ITGBL1: variants seen among roughly 807,000 people sequenced by gnomAD.
The protein encoded by ITGBL1 is integrin beta-like protein 1.
Under a neutral mutation model 68.5 loss-of-function variants are expected in ITGBL1, and 51 were observed. That is an observed-to-expected ratio of 0.74 (90% CI 0.59 to 0.94). ITGBL1 has a LOEUF of 0.94. Among genes scored for constraint, ITGBL1 ranks in the 40% least tolerant of loss-of-function variants. The probability of loss-of-function intolerance (pLI) is 0.00; values close to 1 mark genes in which losing one functional copy is unlikely to be tolerated. For synonymous variants in ITGBL1, 209 were observed against 227.3 expected (o/e 0.92, Z 0.72); for missense variants, 649 against 647.4 (o/e 1.00, Z -0.03).
chr13:101,542,814 C>T (rs1207847082), intron 2 of ITGBL1, among the ~76,000 whole-genome samples: 1 of 152,112 alleles, frequency 6.6e-6, no homozygotes. Flanking sequence ...TGTGTAATGG[C>T]CTTCTTTGTC....
intron 2 of ITGBL1, among the ~76,000 whole-genome samples, chr13:101,541,551 G>C (rs2139187111): frequency 6.6e-6 from 1 of 152,256 alleles, no homozygotes; most frequent in East Asian, 1.9e-4. Flanking sequence ...TTTGGTATCA[G>C]GATGATGCTG....
chr13:101,621,911 T>C (rs554151196), intron 7 of ITGBL1, among the ~76,000 whole-genome samples: 57 of 152,092 alleles, frequency 3.7e-4, no homozygotes, highest in Non-Finnish European at 6.9e-4. Flanking sequence ...AGCATAGATT[T>C]GAGTGAAGAT....
At chr13:101,612,678 T>C (rs377348816) in intron 7 of ITGBL1, among the ~76,000 whole-genome samples, 29 of 152,138 alleles carry the variant, frequency 1.9e-4, no homozygotes, top group African/African-American at 7.0e-4. Context: ...TTGCAGTTTT[T>C]AGGTTAGGCT....
chr13:101,702,726 A>G (rs764500228), intron 8 of ITGBL1, among the ~76,000 whole-genome samples: 1 of 152,174 alleles, frequency 6.6e-6, no homozygotes, highest in African/African-American at 2.4e-5. Context: ...TCATAGCCCA[A>G]TTGAGCTGGT....
At chr13:101,550,408 C>A (rs1363681894) in intron 2 of ITGBL1, among the ~76,000 whole-genome samples, 1 of 152,144 alleles carries the variant, frequency 6.6e-6, no homozygotes, top group Non-Finnish European at 1.5e-5. Flanking sequence ...GGAACACAAC[C>A]AACTGCATGT....
At chr13:101,608,799 G>C (rs1047126027) in intron 7 of ITGBL1, among the ~76,000 whole-genome samples, 1 of 151,978 alleles carries the variant, frequency 6.6e-6, no homozygotes, top group African/African-American at 2.4e-5. Flanking sequence ...TTGAAACCTA[G>C]TTTTTATAAA....
At chr13:101,535,314 AT>A (rs1370918861) in intron 2 of ITGBL1, among the ~76,000 whole-genome samples, 9 of 152,004 alleles carry the variant, frequency 5.9e-5, no homozygotes, top group Admixed American at 5.9e-4. Flanking sequence ...TTACCCAGAC[AT>A]TACCTTTTGA....
intron 2 of ITGBL1, among the ~76,000 whole-genome samples, chr13:101,532,651 A>G (rs2049504282): frequency 6.6e-6 from 1 of 152,226 alleles, no homozygotes; most frequent in Non-Finnish European, 1.5e-5. Context: ...TATCAAATGA[A>G]ACTGTACATA....
At chr13:101,586,067 T>C (rs1390187033) in intron 6 of ITGBL1, among the ~76,000 whole-genome samples, 1 of 152,102 alleles carries the variant, frequency 6.6e-6, no homozygotes, top group Non-Finnish European at 1.5e-5. Context: ...CGTGTAAGCT[T>C]GTGTGCAATT....
At chr13:101,628,218 T>G (rs937753896) in intron 7 of ITGBL1, among the ~76,000 whole-genome samples, 8 of 152,190 alleles carry the variant, frequency 5.3e-5, no homozygotes, top group African/African-American at 7.2e-5. Context: ...CATCTTTTTA[T>G]GTACTTGTTT....
intron 7 of ITGBL1, among the ~76,000 whole-genome samples, chr13:101,599,264 C>T (rs1391204779): frequency 6.6e-6 from 1 of 151,848 alleles, no homozygotes; most frequent in Non-Finnish European, 1.5e-5. Context: ...ATATCCTTTG[C>T]CCACTTTTTG....
chr13:101,602,218 CAG>C (rs2030427668), intron 7 of ITGBL1, among the ~76,000 whole-genome samples: 1 of 151,998 alleles, frequency 6.6e-6, no homozygotes, highest in Non-Finnish European at 1.5e-5. Context: ...ATTTTGAGGA[CAG>C]TGTTGGCTTT....
At chr13:101,545,584 CAA>C (rs2049805750) in intron 2 of ITGBL1, among the ~76,000 whole-genome samples, 1 of 151,962 alleles carries the variant, frequency 6.6e-6, no homozygotes, top group Non-Finnish European at 1.5e-5. Flanking sequence ...TGGGGGAAAA[CAA>C]ATATTTTAAA....
intron 7 of ITGBL1, among the ~76,000 whole-genome samples, chr13:101,605,837 T>C (rs4772399): frequency 0.99 from 148,670 of 149,968 alleles, 73,694 homozygotes; most frequent in Middle Eastern, 1. Context: ...TGTATATATA[T>C]GCATATACAT....
chr13:101,625,662 C>G (rs1171266106), intron 7 of ITGBL1, among the ~76,000 whole-genome samples: 1 of 151,920 alleles, frequency 6.6e-6, no homozygotes, highest in Non-Finnish European at 1.5e-5. Flanking sequence ...AAGCGATTCT[C>G]CTGCTTTAGC....
At chr13:101,686,174 C>T (rs577612853) in intron 7 of ITGBL1, among the ~76,000 whole-genome samples, 3 of 151,998 alleles carry the variant, frequency 2.0e-5, no homozygotes, top group South Asian at 2.1e-4. Flanking sequence ...ATGTTTTGCC[C>T]GGTTCCTATG....
chr13:101,705,604 A>G (rs1312912421), intron 8 of ITGBL1, among the ~76,000 whole-genome samples: 1 of 151,986 alleles, frequency 6.6e-6, no homozygotes, highest in Non-Finnish European at 1.5e-5. Context: ...AGAAATTCCT[A>G]TCACTCCTAA....
At chr13:101,577,928 G>T (rs917912828) in intron 4 of ITGBL1, among the ~76,000 whole-genome samples, 33 of 152,122 alleles carry the variant, frequency 2.2e-4, no homozygotes, top group Non-Finnish European at 5.9e-5. Context: ...CAAATTCATT[G>T]TGGAAATGGT....
At chr13:101,606,274 G>A (rs2139355747) in intron 7 of ITGBL1, among the ~76,000 whole-genome samples, 1 of 150,434 alleles carries the variant, frequency 6.6e-6, no homozygotes, top group South Asian at 2.1e-4. Flanking sequence ...TGGTGACTAA[G>A]TGTGATCATT....
Sources: gnomAD v4.1 joint callset for allele counts (sites outside exome capture counted in the v4.1 genomes callset) on GRCh38, gnomAD v4.1.1 for gene constraint, MANE v1.5 for transcripts, NCBI Gene and HGNC (gene_info 2026-07-23, HGNC 2026-07-21) for gene names.